Variants in VKORC1L1 observed in about 807,000 individuals in gnomAD.
VKORC1L1 encodes vitamin K epoxide reductase complex subunit 1-like protein 1.
Under a neutral mutation model 18.9 loss-of-function variants are expected in VKORC1L1, and 2 were observed. The ratio of observed to expected loss-of-function variants is 0.11; its 90% confidence interval spans 0.04 to 0.33. The LOEUF (loss-of-function observed/expected upper bound fraction) is 0.33, where lower values mean the gene tolerates loss of function less well. Ranked by LOEUF, VKORC1L1 falls within the 10% of genes least tolerant of loss-of-function variation. VKORC1L1 has a pLI of 1.00. For missense variants in VKORC1L1, 123 were observed against 224.1 expected, an observed-to-expected ratio of 0.55 and a Z score of 2.88; for synonymous variants, 96 against 100.0, an observed-to-expected ratio of 0.96 and a Z score of 0.24.
At chr7:65,887,761 C>CATTGTAAG (rs1293783003) in intron 1 of VKORC1L1, among the ~76,000 whole-genome samples, 1 of 152,074 alleles carries the variant, frequency 6.6e-6, no homozygotes, top group East Asian at 1.9e-4. Flanking sequence ...ACATAGTATT[C>CATTGTAAG]ATTGTAAGAA....
At chr7:65,947,977 C>T (rs1012596476) in intron 1 of VKORC1L1, among the ~76,000 whole-genome samples, 4 of 152,178 alleles carry the variant, frequency 2.6e-5, no homozygotes. Flanking sequence ...GTGTGATCCA[C>T]GGGCCCGGCC....
chr7:65,943,551 C>A (rs1451799434), intron 1 of VKORC1L1, among the ~76,000 whole-genome samples: 1 of 152,122 alleles, frequency 6.6e-6, no homozygotes, highest in Non-Finnish European at 1.5e-5. Context: ...CCTTTTTAGA[C>A]TTTCCAAGGT....
At chr7:65,866,028 G>A in the VKORC1L1 span, among the ~76,000 whole-genome samples, 1 of 151,976 alleles carries the variant, frequency 6.6e-6, no homozygotes, top group African/African-American at 2.4e-5. Context: ...GCTAAGAAGG[G>A]CACTTGAACC....
chr7:65,881,850 C>T (rs765558636), intron 1 of VKORC1L1, among the ~76,000 whole-genome samples: 2 of 152,070 alleles, frequency 1.3e-5, no homozygotes, highest in African/African-American at 2.4e-5. Flanking sequence ...GAGGCTGAGG[C>T]GGATGTATCA....
chr7:65,946,309 G>A (rs1371578447), intron 1 of VKORC1L1, among the ~76,000 whole-genome samples: 5 of 151,502 alleles, frequency 3.3e-5, no homozygotes, highest in African/African-American at 1.2e-4. Context: ...CCATCACTCA[G>A]GATCTCATTC....
At chr7:65,892,330 T>C (rs1583828907) in intron 1 of VKORC1L1, among the ~76,000 whole-genome samples, 1 of 152,180 alleles carries the variant, frequency 6.6e-6, no homozygotes, top group Admixed American at 6.5e-5. Flanking sequence ...GATCACACGG[T>C]AGTTCTATTT....
chr7:65,955,423 G>A lies in VKORC1L1; in HGVS notation c.*1123G>A, dbSNP rs1284898486. 1.3e-5 allele frequency: 2 copies of A among 152,206 alleles called. No homozygotes were observed. The allele number at this position is 152,206 out of a possible 1,614,324, so 9.4% of individuals were successfully genotyped here. On this transcript the variant is annotated 3_prime_UTR_variant, in exon 3 of 3. Transcript: ENST00000360768. ...TACTGGATTTGTAACCTTCAGGGCTGACATGCTGCCCAGTTTGCTTCATCG... is the reference window on the plus strand; with the variant it reads ...TACTGGATTTGTAACCTTCAGGGCTAACATGCTGCCCAGTTTGCTTCATCG...
chr7:65,926,027 C>A (rs1789757001), intron 1 of VKORC1L1, among the ~76,000 whole-genome samples: 1 of 148,280 alleles, frequency 6.7e-6, no homozygotes, highest in Non-Finnish European at 1.5e-5. Context: ...ATAATTAACT[C>A]TGCTTAATTA....
chr7:65,922,969 A>C (rs1426016574), intron 1 of VKORC1L1, among the ~76,000 whole-genome samples: 3 of 151,632 alleles, frequency 2.0e-5, no homozygotes, highest in African/African-American at 7.3e-5. Context: ...TTTAACCATT[A>C]TCTCTCTCTC....
At position 65,899,223 on chromosome 7, in the gene VKORC1L1, T is replaced by C. The variant is rs78074565; in HGVS notation, c.194+25658T>C. ...TGTCATCTTTGGGTGCCACCCAAAATGCAGGCTCAAGGCCGCAGCCTCTTG... is the reference window on the plus strand; with the variant it reads ...TGTCATCTTTGGGTGCCACCCAAAACGCAGGCTCAAGGCCGCAGCCTCTTG... On this transcript the variant is annotated intron_variant, in intron 1 of 2. Transcript: ENST00000360768. Among the ~76,000 whole-genome samples the C allele has an allele frequency of 0.015, 2,300 of 152,326 alleles. 129 individuals carry two copies. The East Asian group carries it at 0.15, about 10-fold the overall frequency.
At chr7:65,904,485 G>A (rs768296445) in intron 1 of VKORC1L1, among the ~76,000 whole-genome samples, 2 of 152,160 alleles carry the variant, frequency 1.3e-5, no homozygotes, top group Non-Finnish European at 2.9e-5. Context: ...GATTACAGGC[G>A]TGAGCTACCG....
Position 65,881,909 on chromosome 7 carries a change from A to G in VKORC1L1, c.194+8344A>G, listed in dbSNP as rs202037836. Among the ~76,000 whole-genome samples, 54 of 151,944 alleles carry G rather than the reference A, an allele frequency of 3.6e-4. No individual in the cohort carries two copies. The East Asian group carries it at 7.1e-3, about 20-fold the overall frequency. On this transcript the variant is annotated intron_variant, in intron 1 of 2. Transcript: ENST00000360768. ...AGCTTGGCCAACATGGTGAAACCCC[A>G]TCTCTACTAAAAATACAAAAATTAG...
At position 65,949,057 on chromosome 7, in the gene VKORC1L1, G is replaced by A. The variant is rs550061103; in HGVS notation, c.304+277G>A. Among the ~76,000 whole-genome samples, 7 of 152,148 alleles carry A rather than the reference G, an allele frequency of 4.6e-5. No individual in the cohort carries two copies. The South Asian group carries it at 1.0e-3, about 23-fold the overall frequency. ...TATCACTCCCATCTTCCCTGTTAACGTTTTTCCTTATTTTATAGACTCAGT... is the reference window on the plus strand; with the variant it reads ...TATCACTCCCATCTTCCCTGTTAACATTTTTCCTTATTTTATAGACTCAGT... On this transcript the variant is annotated intron_variant, in intron 2 of 2. Coordinates refer to ENST00000360768, the MANE Select transcript of VKORC1L1 (RefSeq NM_173517.6).
upstream of VKORC1L1, among the ~76,000 whole-genome samples, chr7:65,869,630 C>A (rs1034898360): frequency 7.0e-5 from 10 of 143,424 alleles, no homozygotes; most frequent in South Asian, 2.3e-4. Flanking sequence ...GGGCAAAACA[C>A]GATTTCATTC....
At chr7:65,896,063 C>CT (rs757411300) in intron 1 of VKORC1L1, among the ~76,000 whole-genome samples, 1,644 of 136,210 alleles carry the variant, frequency 0.012, 11 homozygotes, top group East Asian at 0.03. Flanking sequence ...ACTCGGCCAA[C>CT]TTTTTTTTTT....
At chr7:65,914,998 C>T (rs950642280) in intron 1 of VKORC1L1, among the ~76,000 whole-genome samples, 4 of 151,874 alleles carry the variant, frequency 2.6e-5, no homozygotes, top group East Asian at 1.9e-4. Flanking sequence ...AGAGCAAGAC[C>T]GTGTCTCAAA....
intron 1 of VKORC1L1, among the ~76,000 whole-genome samples, chr7:65,887,872 C>CA (rs1264474390): frequency 6.6e-6 from 1 of 151,714 alleles, no homozygotes; most frequent in Non-Finnish European, 1.5e-5. Flanking sequence ...CAATATGTAT[C>CA]ACCATATTTC....
chr7:65,912,418 T>G (rs1789516782), intron 1 of VKORC1L1, among the ~76,000 whole-genome samples: 2 of 152,360 alleles, frequency 1.3e-5, no homozygotes, highest in South Asian at 4.1e-4. Context: ...CTGATGCATT[T>G]CAGTGCGTGT....
At chr7:65,872,351 C>T (rs1323514701), upstream of VKORC1L1, among the ~76,000 whole-genome samples, 3 of 151,194 alleles carry the variant, frequency 2.0e-5, no homozygotes, top group Admixed American at 6.6e-5. Context: ...CTTACTCTAT[C>T]GCCCAGGCTG....
Sources: allele counts gnomAD v4.1 joint callset (sites outside exome capture counted in the v4.1 genomes callset), GRCh38; gene constraint gnomAD v4.1.1; transcripts MANE v1.5; gene names NCBI Gene and HGNC (gene_info 2026-07-23, HGNC 2026-07-21).